MBD1: variants seen among roughly 807,000 people sequenced by gnomAD.
MBD1 encodes the protein methyl-CpG-binding domain protein 1.
A neutral mutation model predicts 82.6 loss-of-function variants in MBD1; 25 were observed. The observed-to-expected ratio is 0.30, with a 90% CI of 0.22 to 0.42. The LOEUF (loss-of-function observed/expected upper bound fraction) is 0.42, where lower values mean the gene tolerates loss of function less well. Ranked by LOEUF, MBD1 falls within the 10% of genes least tolerant of loss-of-function variation. MBD1 has a pLI of 1.00. For missense variants in MBD1, 627 were observed against 819.6 expected (o/e 0.76, Z 2.87); for synonymous variants, 301 against 303.7 (o/e 0.99, Z 0.09).
In MBD1 at chr18:50,275,827, C is replaced by A; in HGVS notation, c.663+8G>T. On this transcript the variant is annotated splice_region_variant and intron_variant, in intron 7 of 16. Transcript: ENST00000269468. ...GAGCCTTGGGCTCTTTCCACTTGCC[C>A]AACTCACCCTTTCCACAATCCGGAG... The A allele has an allele frequency of 1.9e-6, 3 of 1,614,216 alleles. No individual in the cohort carries two copies.
rs2036195226 is a variant in MBD1 at position 50,272,882 on chromosome 18, T to C, written c.1658A>G (p.Asp553Gly). 1 of 1,614,072 alleles carries C rather than the reference T, an allele frequency of 6.2e-7. No individual in the cohort carries two copies. Among genetic ancestry groups the C allele is most frequent in the South Asian group, 1.1e-5 (1 of 91,088 alleles). Residue 553 changes from aspartate to glycine, a missense_variant, in exon 14 of 17, where the codon GAT (aspartate) becomes GGT (glycine). By Grantham distance (94) the Asp-to-Gly change is moderately conservative. Transcript: ENST00000269468. ...TGGGGCCAATTTGGAGGCAGAATCA[T>C]CCTTGTTCTCCTCCTTGTCCTCCTC... The part of the protein sequence containing the change: ...DPEEDKEENK[D>G]DSASKLAPEE...
Position 50,273,326 on chromosome 18 carries a change from GC to G in MBD1, c.1584+7del, listed in dbSNP as rs1352033556. The G allele has an allele frequency of 1.2e-6, 2 of 1,613,928 alleles. No homozygotes were observed. Among genetic ancestry groups the G allele is most frequent in the East Asian group, 4.5e-5 (2 of 44,874 alleles). On this transcript the variant is annotated splice_region_variant and intron_variant, in intron 13 of 16. Transcript: ENST00000269468. ...CGGCACCAACAGAACATCCATCACT[GC>G]CCCCACCTTGCTAGGGCAGCCAGGC...
At position 50,272,744 on chromosome 18, in the gene MBD1, G is replaced by C. The variant is rs372650562; in HGVS notation, c.1717-6C>G. The C allele has an allele frequency of 6.2e-7, 1 of 1,614,080 alleles. No individual in the cohort carries two copies. Among genetic ancestry groups the C allele is most frequent in the African/African-American group, 1.3e-5 (1 of 74,922 alleles). ...AGGCTGAAAATCTCCGTGATCTAGA[G>C]AAGAATTAACACCATAGGTCAATGT... On this transcript the variant is annotated splice_region_variant and splice_polypyrimidine_tract_variant and intron_variant, in intron 14 of 16. Coordinates refer to ENST00000269468, the MANE Select transcript of MBD1 (RefSeq NM_015846.4).
chr18:50,276,927 C>T lies in MBD1; in HGVS notation c.297G>A (p.Gln99=). The T allele has an allele frequency of 6.2e-7, 1 of 1,614,264 alleles. No homozygotes were observed. Among genetic ancestry groups the T allele is most frequent in the South Asian group, 1.1e-5 (1 of 91,090 alleles). Reference sequence around the variant, plus strand: ...TGACCTCACCACTCTGGGGTCCAACCTGACGTTTCCGAGTCTTGGCTGGCC... The same window carrying T: ...TGACCTCACCACTCTGGGGTCCAACTTGACGTTTCCGAGTCTTGGCTGGCC... ...PSRPAKTRKR[Q]VGPQSGEVRK... The change falls in exon 4 of 17, where the codon CAG becomes CAA. Residue 99 remains glutamine (Q), a synonymous_variant. Transcript: ENST00000269468.
At chr18:50,280,332 A>C (rs1399698606) in intron 1 of MBD1, among the ~76,000 whole-genome samples, 1 of 151,252 alleles carries the variant, frequency 6.6e-6, no homozygotes, top group Non-Finnish European at 1.5e-5. Flanking sequence ...GAAACTTTTC[A>C]TCCTTCCCCC....
intron 16 of MBD1, chr18:50,271,064 T>C: frequency 9.8e-7 from 1 of 1,020,938 alleles, no homozygotes; most frequent in Non-Finnish European, 1.2e-6. Flanking sequence ...TCCTTATTTA[T>C]TCAATTACAT....
rs1325938439 is a variant in MBD1, at chr18:50,276,368, T to G, written c.516+10A>C. 1.2e-6 allele frequency: 2 copies of G among 1,613,602 alleles called. No individual in the cohort carries two copies. The highest frequency in any genetic ancestry group is 1.7e-6 in the Non-Finnish European group (2 of 1,179,594). Reference sequence around the variant, plus strand: ...TGCAGAGTTGTGAAGAGGAAGCAGGTTGTGCTTACCTTAAACATTCTCTGT... The same window carrying G: ...TGCAGAGTTGTGAAGAGGAAGCAGGGTGTGCTTACCTTAAACATTCTCTGT... On this transcript the variant is annotated intron_variant, in intron 6 of 16. Coordinates refer to ENST00000269468, the MANE Select transcript of MBD1 (RefSeq NM_015846.4).
upstream of MBD1, chr18:50,281,629 A>G (rs1307690400): frequency 2.3e-6 from 1 of 440,914 alleles, no homozygotes; most frequent in Admixed American, 3.9e-5. Flanking sequence ...TCCCGCGCCT[A>G]CGGGCCGGCG....
chr18:50,277,421 G>A (rs1212695701), intron 2 of MBD1, among the ~76,000 whole-genome samples: 2 of 151,698 alleles, frequency 1.3e-5, no homozygotes, highest in Non-Finnish European at 2.9e-5. Context: ...GTAAACAGAT[G>A]AACATATTTA....
chr18:50,275,351 G>A (rs752232500), intron 8 of MBD1, 106 bp from the exon 9 acceptor site: 42 of 1,612,068 alleles, frequency 2.6e-5, no homozygotes, highest in Non-Finnish European at 3.3e-5. Flanking sequence ...GCAGACAGAG[G>A]GTGGCGTGAG....
chr18:50,276,255 G>A, intron 6 of MBD1, 123 bp downstream of exon 6: 1 of 1,046,204 alleles, frequency 9.6e-7, no homozygotes, highest in Non-Finnish European at 1.5e-6. Flanking sequence ...GCTGACCTAT[G>A]GAGAGCACCC....
chr18:50,281,313 C>T (rs1422884263), intron 1 of MBD1, 50 bp downstream of exon 1: 4 of 1,263,958 alleles, frequency 3.2e-6, no homozygotes, highest in Non-Finnish European at 2.2e-6. Flanking sequence ...ACAATTCCTT[C>T]CCATCCTCCG....
downstream of MBD1, chr18:50,268,832 A>G: frequency 1.2e-6 from 1 of 844,610 alleles, no homozygotes; most frequent in African/African-American, 1.8e-5. Flanking sequence ...CAAAAGAAAC[A>G]CTAAGCATGT....
At chr18:50,272,289 AG>A (rs944396906) in intron 15 of MBD1, among the ~76,000 whole-genome samples, 13 of 152,188 alleles carry the variant, frequency 8.5e-5, no homozygotes, top group African/African-American at 2.9e-4. Context: ...GCCCACCCAG[AG>A]GTCTCCTGGA....
intron 1 of MBD1, 37 bp downstream of exon 1, chr18:50,281,326 T>A: frequency 8.7e-7 from 1 of 1,153,634 alleles, no homozygotes; most frequent in Non-Finnish European, 1.3e-6. Flanking sequence ...ATCCTCCGCC[T>A]GAGCGCTCTC....
chr18:50,273,046 T>C, intron 13 of MBD1, 91 bp from the exon 14 acceptor site: 1 of 1,511,228 alleles, frequency 6.6e-7, no homozygotes, highest in Non-Finnish European at 9.2e-7. Context: ...TGCTGACAAA[T>C]CCTACTTCCA....
At chr18:50,273,026 C>T in intron 13 of MBD1, 71 bp from the exon 14 acceptor site, 2 of 1,574,410 alleles carry the variant, frequency 1.3e-6, no homozygotes, top group South Asian at 1.1e-5. Flanking sequence ...TATCAGCCAA[C>T]CCCTCACTGT....
chr18:50,274,493 C>G (rs762195502), intron 10 of MBD1, 140 bp from the exon 11 acceptor site: 1 of 875,398 alleles, frequency 1.1e-6, no homozygotes, highest in Non-Finnish European at 1.7e-6. Flanking sequence ...CTCCTGACTC[C>G]CCACTAGTCA....
At chr18:50,281,259 T>A in intron 1 of MBD1, 104 bp downstream of exon 1, 2 of 1,525,088 alleles carry the variant, frequency 1.3e-6, no homozygotes, top group Non-Finnish European at 1.8e-6. Context: ...CTCCCCCTTA[T>A]CGGCCTGAGG....
Sources: gnomAD v4.1 joint callset for allele counts (sites outside exome capture counted in the v4.1 genomes callset) on GRCh38, gnomAD v4.1.1 for gene constraint, MANE v1.5 for transcripts, NCBI Gene and HGNC (gene_info 2026-07-23, HGNC 2026-07-21) for gene names.